CELF4: variants seen among roughly 807,000 people sequenced by gnomAD.
CELF4 encodes CUGBP Elav-like family member 4, also known as CUG-BP- and ETR-3-like factor 4.
Under a neutral mutation model 59.9 loss-of-function variants are expected in CELF4, and 18 were observed. That is an observed-to-expected ratio of 0.30 (90% CI 0.21 to 0.45). The LOEUF (loss-of-function observed/expected upper bound fraction) is 0.45, where lower values mean the gene tolerates loss of function less well. Among genes scored for constraint, CELF4 ranks in the 20% least tolerant of loss-of-function variants. The pLI, the probability that CELF4 is intolerant of heterozygous loss-of-function variation, is 1.00. For missense variants in CELF4, 456 were observed against 689.0 expected, an observed-to-expected ratio of 0.66 and a Z score of 3.79; for synonymous variants, 261 against 267.1, an observed-to-expected ratio of 0.98 and a Z score of 0.22.
intron 2 of CELF4, among the ~76,000 whole-genome samples, chr18:37,326,658 G>C (rs545452268): frequency 1.3e-5 from 2 of 152,300 alleles, no homozygotes; most frequent in East Asian, 3.9e-4. Context: ...TCAGTCCTCC[G>C]GGGACATCAC....
intron 12 of CELF4, among the ~76,000 whole-genome samples, chr18:37,249,967 A>G (rs2154262674): frequency 6.6e-6 from 1 of 152,292 alleles, no homozygotes; most frequent in African/African-American, 2.4e-5. Context: ...CACAGGACTC[A>G]CTGGGGTCAG....
chr18:37,360,279 G>A (rs2098681454), intron 2 of CELF4, among the ~76,000 whole-genome samples: 1 of 152,150 alleles, frequency 6.6e-6, no homozygotes, highest in South Asian at 2.1e-4. Flanking sequence ...TGGAGTCTCA[G>A]AGGGCCCCAG....
intron 2 of CELF4, among the ~76,000 whole-genome samples, chr18:37,452,001 C>G (rs893618827): frequency 2.0e-5 from 3 of 152,298 alleles, no homozygotes; most frequent in African/African-American, 7.2e-5. Flanking sequence ...CTGCCCAGCA[C>G]CTGGGCAAGG....
chr18:37,258,680 A>C (rs1030544128), intron 11 of CELF4, among the ~76,000 whole-genome samples: 1 of 152,096 alleles, frequency 6.6e-6, no homozygotes, highest in Non-Finnish European at 1.5e-5. Flanking sequence ...AGGGGTGGGC[A>C]GGAGAGGGGC....
intron 2 of CELF4, among the ~76,000 whole-genome samples, chr18:37,337,268 G>A (rs982261498): frequency 2.0e-5 from 3 of 152,128 alleles, no homozygotes; most frequent in African/African-American, 7.2e-5. Context: ...GGAGACTGGC[G>A]AGACCCACTG....
intron 1 of CELF4, among the ~76,000 whole-genome samples, chr18:37,499,721 T>G (rs2099929331): frequency 6.6e-6 from 1 of 152,154 alleles, no homozygotes; most frequent in Non-Finnish European, 1.5e-5. Context: ...TGCATGACAG[T>G]GCTGACTGGA....
chr18:37,446,511 C>G (rs949498840), intron 2 of CELF4, among the ~76,000 whole-genome samples: 1 of 152,140 alleles, frequency 6.6e-6, no homozygotes, highest in Admixed American at 6.5e-5. Flanking sequence ...ATTAAAGTCC[C>G]TGGTCTCTTT....
At chr18:37,524,941 T>C (rs752139366) in intron 1 of CELF4, among the ~76,000 whole-genome samples, 5 of 152,214 alleles carry the variant, frequency 3.3e-5, no homozygotes, top group Non-Finnish European at 5.9e-5. Flanking sequence ...GCTTCGCTCT[T>C]TGAGCCCCGC....
At chr18:37,300,480 C>T (rs138056120) in intron 3 of CELF4, among the ~76,000 whole-genome samples, 4,658 of 152,278 alleles carry the variant, frequency 0.031, 96 homozygotes, top group Middle Eastern at 0.048. Flanking sequence ...CCGCCTCGGC[C>T]TCCCAAAGTG....
intron 11 of CELF4, among the ~76,000 whole-genome samples, chr18:37,257,952 T>C (rs1026098384): frequency 1.3e-5 from 2 of 152,190 alleles, no homozygotes; most frequent in African/African-American, 2.4e-5. Context: ...GGTCTGACGC[T>C]TGCTGGATAG....
intron 2 of CELF4, among the ~76,000 whole-genome samples, chr18:37,456,402 G>A (rs1285374524): frequency 1.3e-5 from 2 of 152,094 alleles, no homozygotes; most frequent in Non-Finnish European, 2.9e-5. Context: ...TATATGGATT[G>A]AGGAGTGAGG....
At chr18:37,539,585 AC>A (rs1201124269) in intron 1 of CELF4, among the ~76,000 whole-genome samples, 1 of 152,182 alleles carries the variant, frequency 6.6e-6, no homozygotes, top group Non-Finnish European at 1.5e-5. Flanking sequence ...TGACAGTCAC[AC>A]ATGCCCATGT....
At chr18:37,546,012 A>T (rs1390567366) in intron 1 of CELF4, among the ~76,000 whole-genome samples, 4 of 152,076 alleles carry the variant, frequency 2.6e-5, no homozygotes, top group Non-Finnish European at 5.9e-5. Context: ...TTCTCCCCAC[A>T]TACTTTTCCC....
chr18:37,477,853 G>C (rs1338757879), intron 2 of CELF4, among the ~76,000 whole-genome samples: 1 of 152,148 alleles, frequency 6.6e-6, no homozygotes, highest in Non-Finnish European at 1.5e-5. Context: ...CCGCTGACTT[G>C]GGTGATGGCA....
intron 2 of CELF4, among the ~76,000 whole-genome samples, chr18:37,469,170 T>G (rs1842088816): frequency 6.6e-6 from 1 of 152,120 alleles, no homozygotes; most frequent in African/African-American, 2.4e-5. Context: ...TTGGCTCCTT[T>G]GGAGTCTGGG....
chr18:37,407,642 C>T (rs4799446), intron 2 of CELF4, among the ~76,000 whole-genome samples: 85,477 of 151,410 alleles, frequency 0.56, 26,393 homozygotes, highest in South Asian at 0.8. Flanking sequence ...CAAACGCACA[C>T]GTTAGGATGT....
At chr18:37,331,648 T>G (rs1055095737) in intron 2 of CELF4, among the ~76,000 whole-genome samples, 2 of 150,692 alleles carry the variant, frequency 1.3e-5, no homozygotes, top group African/African-American at 4.9e-5. Flanking sequence ...CTTCCCATGC[T>G]CCAGACCTTC....
chr18:37,310,286 C>T (rs777473849), intron 3 of CELF4, among the ~76,000 whole-genome samples: 1 of 152,212 alleles, frequency 6.6e-6, no homozygotes. Flanking sequence ...CCAGCCAGGT[C>T]CCTGCTCCCC....
At chr18:37,547,448 G>A (rs1475447940) in intron 1 of CELF4, among the ~76,000 whole-genome samples, 1 of 152,112 alleles carries the variant, frequency 6.6e-6, no homozygotes, top group Non-Finnish European at 1.5e-5. Flanking sequence ...CTGCTCACAG[G>A]CCTCCCCTTA....
Sources: allele counts gnomAD v4.1 joint callset (sites outside exome capture counted in the v4.1 genomes callset), GRCh38; gene constraint gnomAD v4.1.1; transcripts MANE v1.5; gene names NCBI Gene and HGNC (gene_info 2026-07-23, HGNC 2026-07-21).